CDH13: variants seen among roughly 807,000 people sequenced by gnomAD.
CDH13 encodes the protein cadherin-13.
CDH13 carries 24 observed loss-of-function variants against 63.8 expected under a neutral mutation model. The observed-to-expected ratio is 0.38, with a 90% CI of 0.27 to 0.53. The LOEUF (loss-of-function observed/expected upper bound fraction) is 0.53, where lower values mean the gene tolerates loss of function less well. CDH13 is among the 20% of genes least tolerant of loss of function. The pLI is 0.85. For synonymous variants in CDH13, 503 were observed against 355.3 expected (o/e 1.42, Z -4.67); for missense variants, 1,049 against 903.1 (o/e 1.16, Z -2.07).
intron 1 of CDH13, among the ~76,000 whole-genome samples, chr16:82,837,337 C>A (rs1192644237): frequency 6.6e-6 from 1 of 152,094 alleles, no homozygotes; most frequent in African/African-American, 2.4e-5. Context: ...ATGTAAAGTG[C>A]TCCCCCCTGG....
intron 2 of CDH13, among the ~76,000 whole-genome samples, chr16:82,969,424 C>A (rs1041589305): frequency 1.3e-5 from 2 of 151,600 alleles, no homozygotes; most frequent in African/African-American, 4.9e-5. Flanking sequence ...TTCCTATTAG[C>A]TGAATACCTG....
At chr16:83,143,848 C>A (rs1162129059) in intron 4 of CDH13, among the ~76,000 whole-genome samples, 2 of 152,022 alleles carry the variant, frequency 1.3e-5, no homozygotes, top group Non-Finnish European at 2.9e-5. Flanking sequence ...TTAAGATAAA[C>A]TAATCCTTGG....
At chr16:83,219,913 T>C (rs796129024) in intron 5 of CDH13, among the ~76,000 whole-genome samples, 4 of 152,346 alleles carry the variant, frequency 2.6e-5, no homozygotes, top group African/African-American at 7.2e-5. Flanking sequence ...CTTCTGTGTG[T>C]AGGTGACATG....
chr16:83,620,108 G>C (rs1016081092), intron 8 of CDH13, among the ~76,000 whole-genome samples: 1 of 152,030 alleles, frequency 6.6e-6, no homozygotes, highest in Non-Finnish European at 1.5e-5. Context: ...AGATAGGGAG[G>C]GGGGCCGGGC....
At chr16:83,222,317 C>G (rs183637506) in intron 5 of CDH13, among the ~76,000 whole-genome samples, 1 of 152,252 alleles carries the variant, frequency 6.6e-6, no homozygotes, top group East Asian at 1.9e-4. Flanking sequence ...GGTATCCTTG[C>G]TCATATATTT....
intron 1 of CDH13, among the ~76,000 whole-genome samples, chr16:82,707,113 T>G (rs1485991282): frequency 1.3e-5 from 2 of 152,232 alleles, no homozygotes; most frequent in Admixed American, 6.5e-5. Flanking sequence ...GTTGTTTTGC[T>G]TCCTAAAGCG....
intron 7 of CDH13, among the ~76,000 whole-genome samples, chr16:83,514,275 A>G (rs950362949): frequency 6.6e-6 from 1 of 152,190 alleles, no homozygotes; most frequent in African/African-American, 2.4e-5. Context: ...GTGTCTTTTC[A>G]GATGTAATTA....
intron 4 of CDH13, among the ~76,000 whole-genome samples, chr16:83,126,359 A>T (rs1227507641): frequency 6.6e-6 from 1 of 152,170 alleles, no homozygotes; most frequent in Non-Finnish European, 1.5e-5. Flanking sequence ...AGCTGACCTG[A>T]TTGGCTACTG....
chr16:83,537,443 A>G (rs536393818), intron 7 of CDH13, among the ~76,000 whole-genome samples: 1 of 152,224 alleles, frequency 6.6e-6, no homozygotes, highest in Non-Finnish European at 1.5e-5. Flanking sequence ...AGACTTGAAT[A>G]TATAATGTAT....
chr16:82,682,769 A>G (rs989589897), intron 1 of CDH13, among the ~76,000 whole-genome samples: 1 of 152,186 alleles, frequency 6.6e-6, no homozygotes, highest in African/African-American at 2.4e-5. Flanking sequence ...TCTGAGAAAA[A>G]TATTGGAAAG....
At chr16:83,158,196 C>A (rs953749381) in intron 4 of CDH13, among the ~76,000 whole-genome samples, 1 of 152,068 alleles carries the variant, frequency 6.6e-6, no homozygotes, top group Non-Finnish European at 1.5e-5. Context: ...CAGAGGCAAT[C>A]CCTCGCCTTC....
chr16:83,769,490 G>C (rs1914619575), intron 11 of CDH13, among the ~76,000 whole-genome samples: 1 of 152,168 alleles, frequency 6.6e-6, no homozygotes, highest in Admixed American at 6.5e-5. Flanking sequence ...AAAGTGTCCT[G>C]CTTTAAGTGT....
At chr16:82,725,371 G>T (rs1051074315) in intron 1 of CDH13, among the ~76,000 whole-genome samples, 4 of 152,158 alleles carry the variant, frequency 2.6e-5, no homozygotes, top group African/African-American at 9.7e-5. Context: ...TATAGTGAGG[G>T]AGAATAGTGG....
rs550134860 is a variant in CDH13 at position 83,133,800 on chromosome 16, A to T, written c.483+8299A>T. 5.3e-5 allele frequency among the ~76,000 whole-genome samples: 8 copies of T among 152,212 alleles called. No homozygotes were observed. In the South Asian group the frequency reaches 1.7e-3, roughly 32 times the overall value. ...AGGTGTGACCCACTGAGCCCGGCCC[A>T]TGGAATTTTACTTGATCTCTTTTAT... On this transcript the variant is annotated intron_variant, in intron 4 of 13. Coordinates refer to ENST00000567109, the MANE Select transcript of CDH13 (RefSeq NM_001257.5).
At chr16:83,214,006 G>A (rs947325349) in intron 4 of CDH13, among the ~76,000 whole-genome samples, 2 of 152,106 alleles carry the variant, frequency 1.3e-5, no homozygotes, top group East Asian at 3.9e-4. Context: ...TCAGCACTCT[G>A]TAAAATAGAC....
At chr16:83,394,177 A>G (rs996243089) in intron 6 of CDH13, among the ~76,000 whole-genome samples, 2 of 152,090 alleles carry the variant, frequency 1.3e-5, no homozygotes, top group Admixed American at 1.3e-4. Context: ...AATAATCTGT[A>G]CATGAAACCC....
intron 4 of CDH13, among the ~76,000 whole-genome samples, chr16:83,143,578 C>A (rs370390260): frequency 6.6e-6 from 1 of 152,158 alleles, no homozygotes; most frequent in East Asian, 1.9e-4. Flanking sequence ...AGTTCCTTAT[C>A]TTAAACAGAA....
intron 7 of CDH13, among the ~76,000 whole-genome samples, chr16:83,536,928 T>C (rs546516878): frequency 8.5e-5 from 13 of 152,218 alleles, no homozygotes; most frequent in Non-Finnish European, 1.8e-4. Flanking sequence ...ATGGGGATGT[T>C]GCGGATGGAG....
chr16:83,560,502 G>A (rs1358260133), intron 7 of CDH13, among the ~76,000 whole-genome samples: 1 of 152,180 alleles, frequency 6.6e-6, no homozygotes, highest in African/African-American at 2.4e-5. Context: ...TGGGAAAATG[G>A]TTGCAGGGGC....
Sources: allele counts gnomAD v4.1 joint callset (sites outside exome capture counted in the v4.1 genomes callset), GRCh38; gene constraint gnomAD v4.1.1; transcripts MANE v1.5; gene names NCBI Gene and HGNC (gene_info 2026-07-23, HGNC 2026-07-21).